MELK: variants seen among roughly 807,000 people sequenced by gnomAD.
MELK encodes pEg3 kinase.
In MELK, 81 loss-of-function variants were observed where a neutral mutation model predicts 85.0. The ratio of observed to expected loss-of-function variants is 0.95; its 90% CI spans 0.80 to 1.15. The LOEUF (loss-of-function observed/expected upper bound fraction) is 1.15. MELK is among the 50% of genes most tolerant of loss of function. The pLI is 0.00. For synonymous variants in MELK, 252 were observed against 265.0 expected, an observed-to-expected ratio of 0.95 and a Z score of 0.48; for missense variants, 754 against 777.5, an observed-to-expected ratio of 0.97 and a Z score of 0.36.
chr9:36,587,544 T>C (rs1369134249), intron 3 of MELK, among the ~76,000 whole-genome samples: 2 of 151,924 alleles, frequency 1.3e-5, no homozygotes, highest in East Asian at 3.9e-4. Flanking sequence ...CTTGAACTCC[T>C]GACCTCGTGA....
chr9:36,639,922 G>T (rs193117562), intron 10 of MELK, among the ~76,000 whole-genome samples: 28 of 152,330 alleles, frequency 1.8e-4, no homozygotes, highest in Middle Eastern at 6.8e-3. Flanking sequence ...TGCTTGAGCA[G>T]TGTTGACATC....
chr9:36,672,712 G>T (rs568912093), intron 16 of MELK, among the ~76,000 whole-genome samples: 2 of 152,052 alleles, frequency 1.3e-5, no homozygotes, highest in Non-Finnish European at 2.9e-5. Flanking sequence ...AACCTCACAC[G>T]GCTGAGATGT....
intron 11 of MELK, among the ~76,000 whole-genome samples, chr9:36,648,173 A>C (rs1198810296): frequency 6.6e-6 from 1 of 152,122 alleles, no homozygotes; most frequent in Admixed American, 6.6e-5. Flanking sequence ...AAACCTTAAC[A>C]AAAAGGGATA....
intron 3 of MELK, among the ~76,000 whole-genome samples, chr9:36,584,110 A>G (rs1409312519): frequency 3.3e-5 from 5 of 150,520 alleles, no homozygotes; most frequent in East Asian, 3.9e-4. Context: ...GGTTCACGCC[A>G]TTCTCCTGCC....
At position 36,608,277 on chromosome 9, in the gene MELK, C is replaced by CAA. The variant is rs1161984583; in HGVS notation, c.666+629_666+630dup. Among the ~76,000 whole-genome samples the CAA allele has an allele frequency of 1.5e-3, 58 of 38,880 alleles. 3 individuals carry two copies. The highest frequency in any genetic ancestry group is 0.012 in the Middle Eastern group (1 of 86). The allele number at this position is 38,880 out of a possible 152,430, so 25.5% of individuals were successfully genotyped here. On this transcript the variant is annotated intron_variant, in intron 8 of 17. Coordinates refer to ENST00000298048, the MANE Select transcript of MELK (RefSeq NM_014791.4). Reference sequence around the variant, plus strand: ...TGGGCGACAGAGCAAGACTCTGTCTCAAAAAAAAAAAAAAAAAAAAAAAAA... The same window carrying CAA: ...TGGGCGACAGAGCAAGACTCTGTCTCAAAAAAAAAAAAAAAAAAAAAAAAAAA...
chr9:36,645,802 A>G (rs1830169048), intron 11 of MELK, among the ~76,000 whole-genome samples: 2 of 152,098 alleles, frequency 1.3e-5, no homozygotes, highest in Non-Finnish European at 2.9e-5. Flanking sequence ...AGTGCTCTAG[A>G]TCCTTGCTGT....
chr9:36,641,037 T>G (rs1829708683), intron 10 of MELK, among the ~76,000 whole-genome samples: 1 of 152,188 alleles, frequency 6.6e-6, no homozygotes, highest in African/African-American at 2.4e-5. Context: ...TTCTGAATAC[T>G]TCACTTTGAT....
At chr9:36,625,723 C>A (rs185606316) in intron 8 of MELK, among the ~76,000 whole-genome samples, 157 of 152,038 alleles carry the variant, frequency 1.0e-3, no homozygotes, top group Admixed American at 1.8e-3. Context: ...GAGTTCAAGA[C>A]CAGCCTGGCC....
At chr9:36,628,426 A>T (rs1009426927) in intron 8 of MELK, among the ~76,000 whole-genome samples, 1 of 147,128 alleles carries the variant, frequency 6.8e-6, no homozygotes, top group African/African-American at 2.5e-5. Flanking sequence ...TTGTTAATGA[A>T]TTTTTTTTTT....
intron 8 of MELK, among the ~76,000 whole-genome samples, chr9:36,616,860 A>G (rs1236854038): frequency 7.0e-6 from 1 of 142,240 alleles, no homozygotes; most frequent in Non-Finnish European, 1.5e-5. Context: ...ATGGTAGCAT[A>G]CCATAAACAC....
At chr9:36,590,110 A>G (rs1823389272) in intron 4 of MELK, among the ~76,000 whole-genome samples, 1 of 151,684 alleles carries the variant, frequency 6.6e-6, no homozygotes, top group African/African-American at 2.4e-5. Flanking sequence ...TTTAGTAGAG[A>G]CGGGGTTTCA....
chr9:36,659,502 G>T (rs1457105504), intron 13 of MELK, among the ~76,000 whole-genome samples: 1 of 152,152 alleles, frequency 6.6e-6, no homozygotes, highest in Non-Finnish European at 1.5e-5. Context: ...AGTCATTTAG[G>T]TCAGTGTTGG....
chr9:36,623,068 T>C (rs892678307), intron 8 of MELK, among the ~76,000 whole-genome samples: 14 of 152,230 alleles, frequency 9.2e-5, no homozygotes, highest in Admixed American at 9.2e-4. Flanking sequence ...TTGGACCACA[T>C]AATTCTTTGT....
At chr9:36,583,826 T>C in intron 3 of MELK, 114 bp downstream of exon 3, 1 of 704,644 alleles carries the variant, frequency 1.4e-6, no homozygotes, top group Non-Finnish European at 2.3e-6. Context: ...TTTATACCTT[T>C]TAAAAAACGT....
At chr9:36,671,255 G>C in intron 16 of MELK, 89 bp downstream of exon 16, 2 of 1,308,710 alleles carry the variant, frequency 1.5e-6, no homozygotes, top group Non-Finnish European at 2.0e-6. Context: ...GAATTGATTA[G>C]TGTTTTTTAT....
At chr9:36,653,702 C>G (rs1830937499) in intron 12 of MELK, among the ~76,000 whole-genome samples, 1 of 151,862 alleles carries the variant, frequency 6.6e-6, no homozygotes, top group Non-Finnish European at 1.5e-5. Context: ...GTTGGTTGGC[C>G]CTGTTTATGA....
intron 11 of MELK, among the ~76,000 whole-genome samples, chr9:36,647,346 G>C (rs1442053616): frequency 1.3e-5 from 2 of 152,150 alleles, no homozygotes; most frequent in Non-Finnish European, 1.5e-5. Flanking sequence ...TATCGTACAT[G>C]GGGCTATCAT....
chr9:36,591,564 ACT>A (rs745707962), intron 4 of MELK, among the ~76,000 whole-genome samples: 13 of 151,716 alleles, frequency 8.6e-5, no homozygotes, highest in Non-Finnish European at 1.5e-4. Context: ...ACAGAGCGAG[ACT>A]CTGTCTCAAA....
chr9:36,638,363 G>A (rs945759135), intron 10 of MELK, among the ~76,000 whole-genome samples: 1 of 151,746 alleles, frequency 6.6e-6, no homozygotes, highest in Non-Finnish European at 1.5e-5. Flanking sequence ...TCGGCTCACC[G>A]CAGCCTCTTC....
Sources: allele counts gnomAD v4.1 joint callset (sites outside exome capture counted in the v4.1 genomes callset), GRCh38; gene constraint gnomAD v4.1.1; transcripts MANE v1.5; gene names NCBI Gene and HGNC (gene_info 2026-07-23, HGNC 2026-07-21).